ANKS1B: variants seen among roughly 807,000 people sequenced by gnomAD.
The protein encoded by ANKS1B is ankyrin repeat and sterile alpha motif domain-containing protein 1B.
In ANKS1B, 36 loss-of-function variants were observed where a neutral mutation model predicts 148.3. That is an observed-to-expected ratio of 0.24 (90% CI 0.19 to 0.32). The LOEUF is 0.32. ANKS1B is among the 10% of genes least tolerant of loss of function. The pLI is 1.00. For synonymous variants in ANKS1B, 542 were observed against 560.8 expected (o/e 0.97, Z 0.47); for missense variants, 1,157 against 1,542.6 (o/e 0.75, Z 4.19).
chr12:99,705,070 G>A (rs1199765969), intron 8 of ANKS1B, among the ~76,000 whole-genome samples: 1 of 151,984 alleles, frequency 6.6e-6, no homozygotes, highest in Non-Finnish European at 1.5e-5. Context: ...GACTACAGAG[G>A]ACTCATGAAT....
intron 17 of ANKS1B, among the ~76,000 whole-genome samples, chr12:99,022,167 G>A (rs960379576): frequency 1.3e-5 from 2 of 152,184 alleles, no homozygotes; most frequent in Non-Finnish European, 2.9e-5. Flanking sequence ...TTTGCCATGT[G>A]ACGGACTGAA....
intron 1 of ANKS1B, among the ~76,000 whole-genome samples, chr12:99,922,580 C>T (rs944229135): frequency 1.3e-5 from 2 of 152,134 alleles, no homozygotes; most frequent in African/African-American, 2.4e-5. Flanking sequence ...TTCCAAGATA[C>T]TGGACATACA....
intron 12 of ANKS1B, among the ~76,000 whole-genome samples, chr12:99,359,202 A>T (rs1464499448): frequency 6.6e-6 from 1 of 152,098 alleles, no homozygotes; most frequent in African/African-American, 2.4e-5. Context: ...CTGTTATCCA[A>T]CTTTATGCAT....
At chr12:99,263,348 C>T (rs574427610) in intron 12 of ANKS1B, among the ~76,000 whole-genome samples, 1 of 152,178 alleles carries the variant, frequency 6.6e-6, no homozygotes, top group South Asian at 2.1e-4. Context: ...TACTATATTA[C>T]TGTATATTTT....
intron 1 of ANKS1B, among the ~76,000 whole-genome samples, chr12:99,960,260 AC>A (rs973101229): frequency 6.6e-6 from 1 of 152,230 alleles, no homozygotes; most frequent in Non-Finnish European, 1.5e-5. Context: ...GATAAGCTTT[AC>A]CCTTTTCTTC....
chr12:98,881,506 T>C (rs191616775), intron 17 of ANKS1B, among the ~76,000 whole-genome samples: 3 of 152,302 alleles, frequency 2.0e-5, no homozygotes, highest in African/African-American at 7.2e-5. Context: ...CTCATCTTTG[T>C]GCCTGTTTTT....
chr12:99,838,622 TA>T (rs903269158), intron 1 of ANKS1B, among the ~76,000 whole-genome samples: 1 of 152,174 alleles, frequency 6.6e-6, no homozygotes, highest in African/African-American at 2.4e-5. Flanking sequence ...TGCCTGGCCA[TA>T]ATGTTTACTA....
At chr12:98,789,007 CAA>C (rs2098822811) in intron 22 of ANKS1B, among the ~76,000 whole-genome samples, 1 of 152,122 alleles carries the variant, frequency 6.6e-6, no homozygotes, top group African/African-American at 2.4e-5. Flanking sequence ...TCACATAAAA[CAA>C]AGAGTTCAGT....
intron 12 of ANKS1B, among the ~76,000 whole-genome samples, chr12:99,324,321 G>A (rs2085895783): frequency 6.6e-6 from 1 of 152,108 alleles, no homozygotes; most frequent in African/African-American, 2.4e-5. Context: ...TTGTGGCACA[G>A]AGAAGTTAAG....
chr12:98,940,744 A>G (rs2099835419), intron 17 of ANKS1B, among the ~76,000 whole-genome samples: 1 of 152,224 alleles, frequency 6.6e-6, no homozygotes, highest in Non-Finnish European at 1.5e-5. Context: ...TGAATCAATG[A>G]GATACACAAG....
chr12:99,021,818 G>C (rs575842127), intron 17 of ANKS1B, among the ~76,000 whole-genome samples: 97 of 152,226 alleles, frequency 6.4e-4, no homozygotes, highest in African/African-American at 2.3e-3. Context: ...TTCTAACTTG[G>C]TGTTATCAAC....
chr12:99,562,899 C>T (rs2097351876), intron 9 of ANKS1B, among the ~76,000 whole-genome samples: 1 of 152,194 alleles, frequency 6.6e-6, no homozygotes, highest in South Asian at 2.1e-4. Context: ...TTAGCTAGAT[C>T]TTCTCAATAA....
At chr12:98,967,090 G>A (rs562749441) in intron 17 of ANKS1B, among the ~76,000 whole-genome samples, 1 of 152,256 alleles carries the variant, frequency 6.6e-6, no homozygotes, top group Non-Finnish European at 1.5e-5. Flanking sequence ...GATGCCAAGT[G>A]TGGAATCACC....
intron 8 of ANKS1B, among the ~76,000 whole-genome samples, chr12:99,753,793 G>C (rs1376067730): frequency 1.3e-5 from 2 of 151,988 alleles, no homozygotes; most frequent in Non-Finnish European, 2.9e-5. Context: ...AGGCCAAGGT[G>C]GGTGGATCAC....
intron 8 of ANKS1B, among the ~76,000 whole-genome samples, chr12:99,704,850 A>G (rs772582841): frequency 9.2e-5 from 14 of 152,116 alleles, no homozygotes; most frequent in Non-Finnish European, 1.8e-4. Flanking sequence ...ACAGATATGT[A>G]TATCTTCTTT....
chr12:99,534,508 C>T (rs1417828115), intron 9 of ANKS1B, among the ~76,000 whole-genome samples: 1 of 152,166 alleles, frequency 6.6e-6, no homozygotes. Flanking sequence ...ACCCAGGACT[C>T]ACTTATTTGG....
intron 8 of ANKS1B, among the ~76,000 whole-genome samples, chr12:99,696,252 G>A (rs1205080039): frequency 6.6e-6 from 1 of 152,130 alleles, no homozygotes; most frequent in African/African-American, 2.4e-5. Context: ...CCTATAAGAT[G>A]ATGTAGAGTC....
intron 10 of ANKS1B, among the ~76,000 whole-genome samples, chr12:99,485,596 C>T (rs1170038443): frequency 6.6e-6 from 1 of 152,072 alleles, no homozygotes; most frequent in Non-Finnish European, 1.5e-5. Flanking sequence ...ATAAGTTTTC[C>T]TCAATTATTC....
intron 9 of ANKS1B, among the ~76,000 whole-genome samples, chr12:99,543,428 T>G (rs1596676203): frequency 6.6e-6 from 1 of 152,154 alleles, no homozygotes; most frequent in African/African-American, 2.4e-5. Context: ...CTTAAACTGT[T>G]AAATATAGAG....
Sources: gnomAD v4.1 joint callset for allele counts (sites outside exome capture counted in the v4.1 genomes callset) on GRCh38, gnomAD v4.1.1 for gene constraint, MANE v1.5 for transcripts, NCBI Gene and HGNC (gene_info 2026-07-23, HGNC 2026-07-21) for gene names.